ADAMTSL1: variants seen among roughly 807,000 people sequenced by gnomAD.
The protein encoded by ADAMTSL1 is ADAMTS-like protein 1.
In ADAMTSL1, 126 loss-of-function variants were observed where a neutral mutation model predicts 201.8. The ratio of observed to expected loss-of-function variants is 0.62; its 90% CI spans 0.54 to 0.72. The LOEUF is 0.72. ADAMTSL1 is among the 30% of genes least tolerant of loss of function. The pLI, the probability that ADAMTSL1 is intolerant of heterozygous loss-of-function variation, is 0.00. For missense variants in ADAMTSL1, 2,679 were observed against 2,277.8 expected (o/e 1.18, Z -3.59); for synonymous variants, 1,121 against 903.4 (o/e 1.24, Z -4.32).
intron 8 of ADAMTSL1, among the ~76,000 whole-genome samples, chr9:18,658,615 C>A (rs542648766): frequency 8.4e-4 from 128 of 152,266 alleles, no homozygotes; most frequent in Non-Finnish European, 1.5e-3. Context: ...AAAATAAACT[C>A]CTGTCTCTGC....
intron 1 of ADAMTSL1, among the ~76,000 whole-genome samples, chr9:18,138,850 C>T (rs1029417929): frequency 2.6e-5 from 4 of 152,116 alleles, no homozygotes; most frequent in African/African-American, 9.7e-5. Flanking sequence ...TAACGCTCTG[C>T]CTCAAGTGGA....
chr9:18,304,071 G>A (rs1324814952), intron 2 of ADAMTSL1, among the ~76,000 whole-genome samples: 1 of 152,070 alleles, frequency 6.6e-6, no homozygotes, highest in East Asian at 1.9e-4. Context: ...GTCTATTTAT[G>A]TATCAATTTA....
At chr9:18,882,588 C>T (rs1186325554) in intron 23 of ADAMTSL1, among the ~76,000 whole-genome samples, 1 of 152,146 alleles carries the variant, frequency 6.6e-6, no homozygotes, top group African/African-American at 2.4e-5. Flanking sequence ...GCCATTTCTA[C>T]ACTCATTTCA....
chr9:18,598,706 C>G (rs1824430043), intron 4 of ADAMTSL1, among the ~76,000 whole-genome samples: 2 of 152,114 alleles, frequency 1.3e-5, no homozygotes, highest in Admixed American at 6.6e-5. Flanking sequence ...ATGCCGAGTG[C>G]AAACCCACTG....
rs144375427 is a variant in ADAMTSL1 at position 18,173,327 on chromosome 9, C to T, written c.207+9346C>T. On this transcript the variant is annotated intron_variant, in intron 2 of 29. Transcript: ENST00000680146. ...ATTTTTGCCTCACAATATAATTAAG[C>T]AATAGTCAAAAGTATGACAGCAGAA... Among the ~76,000 whole-genome samples the T allele has an allele frequency of 6.8e-3, 1,037 of 152,152 alleles. 7 individuals are homozygous for T. Among genetic ancestry groups the T allele is most frequent in the South Asian group, 0.029 (141 of 4,826 alleles).
At chr9:18,788,830 C>T (rs528096683) in intron 19 of ADAMTSL1, among the ~76,000 whole-genome samples, 15 of 149,776 alleles carry the variant, frequency 1.0e-4, no homozygotes, top group African/African-American at 3.7e-4. Flanking sequence ...AACTCATTTG[C>T]TCTTGTTTGT....
At chr9:18,027,440 T>A (rs1820750687) in intron 1 of ADAMTSL1, among the ~76,000 whole-genome samples, 1 of 151,970 alleles carries the variant, frequency 6.6e-6, no homozygotes, top group Non-Finnish European at 1.5e-5. Flanking sequence ...AGATTTTTTT[T>A]TTTTTATTTC....
chr9:18,488,730 C>T (rs1438301132), intron 1 of ADAMTSL1, among the ~76,000 whole-genome samples: 2 of 152,198 alleles, frequency 1.3e-5, no homozygotes, highest in Non-Finnish European at 2.9e-5. Flanking sequence ...TCTCTCCCTG[C>T]AAGGCTGAAA....
At chr9:18,523,723 C>G (rs1391758398) in intron 2 of ADAMTSL1, among the ~76,000 whole-genome samples, 2 of 141,830 alleles carry the variant, frequency 1.4e-5, no homozygotes, top group Admixed American at 1.5e-4. Flanking sequence ...GCTTGTTTTT[C>G]TCAGGTTTGT....
chr9:17,986,320 C>G (rs1358787323), intron 1 of ADAMTSL1, among the ~76,000 whole-genome samples: 2 of 152,056 alleles, frequency 1.3e-5, no homozygotes, highest in African/African-American at 2.4e-5. Context: ...TTCTGGCCCT[C>G]TCTGATTATA....
Position 18,239,762 on chromosome 9 carries a change from AGAAGGAAAGAAGAAAG to A in ADAMTSL1, c.207+75789_207+75804del, listed in dbSNP as rs1830990659. 5.9e-5 allele frequency among the ~76,000 whole-genome samples: 9 copies of A among 152,094 alleles called. No individual in the cohort carries two copies. The South Asian group carries it at 1.9e-3, about 32-fold the overall frequency. The stretch of plus-strand genomic sequence containing the variant: ...GACTCTGTCTCAAAGAAAGAAGGAA[AGAAGGAAAGAAGAAAG>A]GAAGGAAGGAAGGAGGGAAAGAAAG... On this transcript the variant is annotated intron_variant, in intron 2 of 29. Coordinates refer to the ADAMTSL1 transcript ENST00000680146.
In ADAMTSL1 at chr9:18,829,849, C is replaced by A. The variant is rs1253969726; in HGVS notation, c.4121C>A (p.Pro1374His). ...ESTQLLILDPPQVPTQLEDIR... is the reference protein window; with the variant it reads ...ESTQLLILDPHQVPTQLEDIR... ...ACCCTCTGCCTTCTCACAGATCCCC[C>A]CCAAGTCCCCACACAGTTGGAAGAC... The change falls in exon 23 of 29, where the codon CCC becomes CAC. Residue 1374 changes from proline (P) to histidine (H), a missense_variant. Pro to His is a moderately conservative substitution (Grantham distance 77, BLOSUM62 -2). Coordinates refer to ENST00000380548, the MANE Select transcript of ADAMTSL1 (RefSeq NM_001040272.6). 7 of 1,613,974 alleles carry A rather than the reference C, an allele frequency of 4.3e-6. No individual in the cohort carries two copies. Among genetic ancestry groups the A allele is most frequent in the East Asian group, 2.2e-5 (1 of 44,880 alleles).
chr9:18,418,601 G>T (rs1241672615), intron 2 of ADAMTSL1, among the ~76,000 whole-genome samples: 1 of 152,082 alleles, frequency 6.6e-6, no homozygotes, highest in Non-Finnish European at 1.5e-5. Flanking sequence ...TTAAGAAATA[G>T]GGATAAAATG....
At chr9:18,209,733 CACTT>C (rs763141000) in intron 2 of ADAMTSL1, among the ~76,000 whole-genome samples, 10 of 152,126 alleles carry the variant, frequency 6.6e-5, no homozygotes, top group East Asian at 3.9e-4. Context: ...TGCTGGGTAA[CACTT>C]ACTTCTCTCC....
chr9:18,581,826 T>G (rs747031767), intron 4 of ADAMTSL1, among the ~76,000 whole-genome samples: 2 of 152,220 alleles, frequency 1.3e-5, no homozygotes, highest in Non-Finnish European at 2.9e-5. Flanking sequence ...TGTGGCTCAG[T>G]GCTTCAATCT....
At chr9:18,824,599 G>A (rs1433369092) in intron 21 of ADAMTSL1, among the ~76,000 whole-genome samples, 1 of 149,322 alleles carries the variant, frequency 6.7e-6, no homozygotes, top group East Asian at 2.0e-4. Flanking sequence ...GCAAAAACCA[G>A]CCCCAGCTCA....
rs532079121 is a variant in ADAMTSL1, at chr9:18,813,979, C to T, written c.3806-3130C>T. On this transcript the variant is annotated intron_variant, in intron 20 of 28. Transcript: ENST00000380548. Reference sequence around the variant, plus strand: ...TATATGGCCTTTATATTCCTGAAGCCTTCTCAACCTAATTTGTTATGAGTT... The same window carrying T: ...TATATGGCCTTTATATTCCTGAAGCTTTCTCAACCTAATTTGTTATGAGTT... 3.3e-5 allele frequency among the ~76,000 whole-genome samples: 5 copies of T among 152,258 alleles called. No homozygotes were observed. The South Asian group carries it at 8.3e-4, about 25-fold the overall frequency.
At position 18,156,855 on chromosome 9, in the gene ADAMTSL1, G is replaced by A. The variant is rs367741064; in HGVS notation, c.88-7007G>A. Among the ~76,000 whole-genome samples the A allele has an allele frequency of 2.1e-4, 32 of 152,180 alleles. No individual in the cohort carries two copies. The South Asian group carries it at 6.0e-3, about 29-fold the overall frequency. On this transcript the variant is annotated intron_variant, in intron 1 of 29. Coordinates refer to the ADAMTSL1 transcript ENST00000680146. ...AGCAGAGTGTATTTAGAACTCTTTG[G>A]AAACAGAATCCTGTTCCCTTCGTGA...
intron 7 of ADAMTSL1, among the ~76,000 whole-genome samples, chr9:18,646,600 G>C (rs1262065011): frequency 1.4e-5 from 2 of 145,740 alleles, no homozygotes; most frequent in Non-Finnish European, 3.0e-5. Context: ...TTAGCATGAA[G>C]GGTTGTTGAA....
Sources: gnomAD v4.1 joint callset for allele counts (sites outside exome capture counted in the v4.1 genomes callset) on GRCh38, gnomAD v4.1.1 for gene constraint, MANE v1.5 for transcripts, NCBI Gene and HGNC (gene_info 2026-07-23, HGNC 2026-07-21) for gene names.